Variants in DENND1A observed in about 807,000 individuals in gnomAD.
DENND1A encodes DENN domain containing 1A.
DENND1A carries 51 observed loss-of-function variants against 113.7 expected under a neutral mutation model. The ratio of observed to expected loss-of-function variants is 0.45; its 90% CI spans 0.36 to 0.57. The LOEUF is 0.57. DENND1A is among the 20% of genes least tolerant of loss of function. The pLI is 0.00. For missense variants in DENND1A, 1,258 were observed against 1,395.9 expected, an observed-to-expected ratio of 0.90 and a Z score of 1.57; for synonymous variants, 565 against 570.8, an observed-to-expected ratio of 0.99 and a Z score of 0.14.
rs566776453 is a variant in DENND1A at position 123,715,665 on chromosome 9, ATC to A, written c.303-38878_303-38877del. ...GAGAAATTAATGCTATAGGCACTGG[ATC>A]TGTTTTTTATTGTTGCTTTTTGTTT... is the stretch of plus-strand genomic sequence containing the variant. On this transcript the variant is annotated intron_variant, in intron 5 of 23. Coordinates refer to ENST00000394215, the MANE Select transcript of DENND1A (RefSeq NM_001352964.2). Among the ~76,000 whole-genome samples, 14 of 152,104 alleles carry A rather than the reference ATC, an allele frequency of 9.2e-5. No individual in the cohort carries two copies. The East Asian group carries it at 1.9e-3, about 21-fold the overall frequency.
intron 2 of DENND1A, among the ~76,000 whole-genome samples, chr9:123,851,765 G>A: frequency 6.6e-6 from 1 of 152,208 alleles, no homozygotes; most frequent in East Asian, 1.9e-4. Context: ...CCTACGGGGA[G>A]AAACACAGCT....
At chr9:123,390,219 C>T (rs1439303553) in intron 21 of DENND1A, among the ~76,000 whole-genome samples, 1 of 152,252 alleles carries the variant, frequency 6.6e-6, no homozygotes, top group East Asian at 1.9e-4. Flanking sequence ...TTCTCCCCAG[C>T]TGGGGTACAG....
intron 13 of DENND1A, among the ~76,000 whole-genome samples, chr9:123,527,718 G>A (rs908562947): frequency 1.3e-5 from 2 of 152,194 alleles, no homozygotes; most frequent in South Asian, 4.1e-4. Context: ...CCCATTCCCT[G>A]CCATCAACCC....
At chr9:123,570,951 T>G (rs1770261984) in intron 12 of DENND1A, among the ~76,000 whole-genome samples, 1 of 151,916 alleles carries the variant, frequency 6.6e-6, no homozygotes, top group African/African-American at 2.4e-5. Context: ...AAAGAAGGAG[T>G]ATTCTTGCCA....
chr9:123,410,373 G>T (rs1004934815), intron 20 of DENND1A, among the ~76,000 whole-genome samples: 2 of 152,226 alleles, frequency 1.3e-5, no homozygotes, highest in East Asian at 3.8e-4. Context: ...TTTGCTGCTT[G>T]TGTCTTCTTT....
intron 1 of DENND1A, among the ~76,000 whole-genome samples, chr9:123,914,044 G>A (rs768267754): frequency 1.4e-4 from 21 of 151,756 alleles, no homozygotes; most frequent in African/African-American, 4.1e-4. Context: ...AAATGGCATC[G>A]ATAGGCCCTG....
chr9:123,668,309 A>G (rs1014988323), intron 7 of DENND1A, among the ~76,000 whole-genome samples: 2 of 152,212 alleles, frequency 1.3e-5, no homozygotes, highest in Non-Finnish European at 2.9e-5. Flanking sequence ...AATGAGTTGT[A>G]TAGGCTTTCT....
intron 5 of DENND1A, among the ~76,000 whole-genome samples, chr9:123,726,219 T>G (rs1029336488): frequency 2.6e-5 from 4 of 152,150 alleles, no homozygotes; most frequent in Non-Finnish European, 4.4e-5. Context: ...TCTCAGGACT[T>G]TACATGTATT....
chr9:123,507,685 T>TAAAAAAAAA (rs552077971), intron 13 of DENND1A, among the ~76,000 whole-genome samples: 1 of 136,852 alleles, frequency 7.3e-6, no homozygotes, highest in Non-Finnish European at 1.6e-5. Flanking sequence ...CCTCATCTCT[T>TAAAAAAAAA]AAAAAAAAAA....
intron 19 of DENND1A, 162 bp downstream of exon 19, chr9:123,440,198 C>T (rs985467531): frequency 1.9e-5 from 18 of 959,714 alleles, no homozygotes; most frequent in African/African-American, 3.5e-5. Flanking sequence ...GCCTGCAAAA[C>T]ATGTTTGCAC....
At chr9:123,564,908 G>A (rs1384863938) in intron 12 of DENND1A, among the ~76,000 whole-genome samples, 19 of 147,974 alleles carry the variant, frequency 1.3e-4, no homozygotes, top group Non-Finnish European at 1.5e-5. Flanking sequence ...TTCTCACTGT[G>A]TCTTTCATTT....
chr9:123,633,600 C>T lies in DENND1A; in HGVS notation c.619-3124G>A, dbSNP rs538478555. 1.5e-4 allele frequency among the ~76,000 whole-genome samples: 23 copies of T among 152,134 alleles called. No individual in the cohort carries two copies. The South Asian group carries it at 4.8e-3, about 32-fold the overall frequency. On this transcript the variant is annotated intron_variant, in intron 9 of 23. Coordinates refer to ENST00000394215, the MANE Select transcript of DENND1A (RefSeq NM_001352964.2). Reference sequence around the variant, plus strand: ...GACCAGCCTGGCCAACATGGCAAAACCCCATCTCTACTAAAAATACAGAAA... The same window carrying T: ...GACCAGCCTGGCCAACATGGCAAAATCCCATCTCTACTAAAAATACAGAAA...
intron 13 of DENND1A, among the ~76,000 whole-genome samples, chr9:123,539,096 C>G (rs2056080471): frequency 6.6e-6 from 1 of 151,826 alleles, no homozygotes; most frequent in Non-Finnish European, 1.5e-5. Flanking sequence ...CACCATTTTT[C>G]AACTCCCAGT....
Position 123,440,345 on chromosome 9 carries a change from G to C in DENND1A, c.1488+15C>G. ...AAAAAACAAAACAGACAGGTAGGAG[G>C]GCCAGGGTACACACCTGTCCAAAGT... On this transcript the variant is annotated intron_variant, in intron 19 of 23. Transcript: ENST00000394215. The C allele has an allele frequency of 6.3e-7, 1 of 1,585,286 alleles. No homozygotes were observed. The highest frequency in any genetic ancestry group is 8.5e-7 in the Non-Finnish European group (1 of 1,170,126).
At chr9:123,895,539 T>G (rs947183328) in intron 1 of DENND1A, among the ~76,000 whole-genome samples, 7 of 151,594 alleles carry the variant, frequency 4.6e-5, no homozygotes, top group Admixed American at 4.6e-4. Context: ...GGAGAATCAC[T>G]TGAACCCAGG....
intron 23 of DENND1A, 133 bp from the exon 24 acceptor site, chr9:123,382,758 G>T (rs776559021): frequency 1.0e-5 from 10 of 957,660 alleles, no homozygotes; most frequent in Non-Finnish European, 1.4e-5. Context: ...CTCGGACTTG[G>T]AACAGCTGAG....
chr9:123,663,203 A>G (rs538637831), intron 8 of DENND1A, among the ~76,000 whole-genome samples: 2 of 152,242 alleles, frequency 1.3e-5, no homozygotes, highest in African/African-American at 4.8e-5. Context: ...AGAATACATT[A>G]AACTAAAAAA....
intron 19 of DENND1A, among the ~76,000 whole-genome samples, chr9:123,427,273 G>GT (rs1456904134): frequency 1.3e-5 from 2 of 152,232 alleles, no homozygotes; most frequent in African/African-American, 4.8e-5. Flanking sequence ...GTCAGGAACC[G>GT]TGTCATTGCC....
chr9:123,430,528 T>C (rs1263045810), intron 19 of DENND1A, among the ~76,000 whole-genome samples: 1 of 152,180 alleles, frequency 6.6e-6, no homozygotes, highest in African/African-American at 2.4e-5. Context: ...CGCAGGGACA[T>C]GGATGGAGTT....
Sources: gnomAD v4.1 joint callset for allele counts (sites outside exome capture counted in the v4.1 genomes callset) on GRCh38, gnomAD v4.1.1 for gene constraint, MANE v1.5 for transcripts, NCBI Gene and HGNC (gene_info 2026-07-23, HGNC 2026-07-21) for gene names.